The following ZNF503 variants were observed in gnomAD, a reference collection of about 807,000 sequenced individuals.
The protein encoded by ZNF503 is NocA-like zinc finger 2.
In ZNF503, 15 loss-of-function variants were observed where a neutral mutation model predicts 34.4. The observed-to-expected ratio is 0.44, with a 90% confidence interval of 0.29 to 0.67. ZNF503 has a LOEUF of 0.67. ZNF503 is among the 30% of genes least tolerant of loss of function. The pLI is 0.13. For missense variants in ZNF503, 1,007 were observed against 926.8 expected (o/e 1.09, Z -1.12); for synonymous variants, 580 against 456.8 (o/e 1.27, Z -3.44).
At chr10:75,382,678 A>G in the ZNF503 span, 1 of 346,498 alleles carries the variant, frequency 2.9e-6, no homozygotes, top group Non-Finnish European at 5.7e-6. Flanking sequence ...ATTCTGCTGG[A>G]TCAAAAGTGG....
chr10:75,337,532 C>T, the ZNF503 span, among the ~76,000 whole-genome samples: 5 of 145,202 alleles, frequency 3.4e-5, no homozygotes, highest in East Asian at 2.1e-4. Context: ...GCAGGAGAAT[C>T]GCTTGAACCC....
the ZNF503 span, among the ~76,000 whole-genome samples, chr10:75,309,202 A>C: frequency 6.6e-6 from 1 of 152,334 alleles, no homozygotes; most frequent in East Asian, 1.9e-4. Context: ...AACTACTCTC[A>C]GTGAAGATGC....
At chr10:75,313,253 T>C in the ZNF503 span, among the ~76,000 whole-genome samples, 2 of 152,328 alleles carry the variant, frequency 1.3e-5, no homozygotes, top group African/African-American at 4.8e-5. Flanking sequence ...AATACCTTTG[T>C]GGGAGTTCAG....
chr10:75,311,279 G>T, the ZNF503 span, among the ~76,000 whole-genome samples: 1 of 152,162 alleles, frequency 6.6e-6, no homozygotes, highest in Non-Finnish European at 1.5e-5. Flanking sequence ...CATGCTGGCA[G>T]CTGATTAGAT....
At chr10:75,295,301 G>A in the ZNF503 span, among the ~76,000 whole-genome samples, 1 of 151,838 alleles carries the variant, frequency 6.6e-6, no homozygotes, top group Non-Finnish European at 1.5e-5. The surrounding 1 kb of genome is among the most constrained non-coding windows in gnomAD (Gnocchi z 4.0). Flanking sequence ...CTGCAGTCCC[G>A]CCCTCCTCCT....
chr10:75,353,716 C>T, the ZNF503 span, among the ~76,000 whole-genome samples: 1 of 152,162 alleles, frequency 6.6e-6, no homozygotes, highest in Non-Finnish European at 1.5e-5. Flanking sequence ...TGAACCATTG[C>T]TAAGGTGACA....
the ZNF503 span, among the ~76,000 whole-genome samples, chr10:75,308,702 A>G: frequency 6.6e-6 from 1 of 152,244 alleles, no homozygotes; most frequent in East Asian, 1.9e-4. Flanking sequence ...GAGGTTGTCA[A>G]GACATCAGTG....
the ZNF503 span, among the ~76,000 whole-genome samples, chr10:75,366,467 G>A: frequency 3.9e-5 from 6 of 152,206 alleles, no homozygotes; most frequent in Admixed American, 6.5e-5. Flanking sequence ...CAAAAGGTAG[G>A]CGACCTGACT....
the ZNF503 span, among the ~76,000 whole-genome samples, chr10:75,289,706 C>T: frequency 3.9e-5 from 6 of 152,116 alleles, no homozygotes; most frequent in Non-Finnish European, 8.8e-5. Context: ...CTGTCTCAGC[C>T]TCCCAAGTAG....
rs910679698 is a variant in ZNF503 at position 75,401,627 on chromosome 10, G to C, written c.-208C>G. The C allele has an allele frequency of 1.6e-6, 1 of 618,580 alleles. No individual in the cohort carries two copies. Among genetic ancestry groups the C allele is most frequent in the Non-Finnish European group, 2.7e-6 (1 of 366,384 alleles). 38.3% of individuals were successfully genotyped at this position (618,580 alleles called of 1,614,324 possible). A position where few individuals can be genotyped will look rare whatever the true frequency, so the allele number is the denominator to read the frequency against. ...CCGCAGCGGAGCCGTGGCCGGGCTA[G>C]AGGAGCCGGCTGGACTGCGGGAGTG... is the stretch of plus-strand genomic sequence containing the variant. On this transcript the variant is annotated 5_prime_UTR_variant, in exon 1 of 2. Transcript: ENST00000372524.
At chr10:75,329,753 AG>A in the ZNF503 span, among the ~76,000 whole-genome samples, 1 of 152,194 alleles carries the variant, frequency 6.6e-6, no homozygotes, top group Non-Finnish European at 1.5e-5. Flanking sequence ...CTGGGATTAC[AG>A]GCATGAGCCA....
chr10:75,320,554 A>C, the ZNF503 span, among the ~76,000 whole-genome samples: 1 of 152,192 alleles, frequency 6.6e-6, no homozygotes, highest in African/African-American at 2.4e-5. Flanking sequence ...ATGGTGGCTT[A>C]TGCCTGTAAT....
chr10:75,305,066 T>C, the ZNF503 span, among the ~76,000 whole-genome samples: 10 of 152,140 alleles, frequency 6.6e-5, no homozygotes, highest in African/African-American at 2.4e-4. Flanking sequence ...ACTTTAAATA[T>C]TTAAAAATAT....
chr10:75,367,219 C>A, the ZNF503 span, among the ~76,000 whole-genome samples: 7 of 152,226 alleles, frequency 4.6e-5, no homozygotes, highest in East Asian at 5.8e-4. Flanking sequence ...CTCTCTACCC[C>A]CCACCCAGAA....
chr10:75,338,335 AGGCTTT>A, the ZNF503 span: 1 of 152,138 alleles, frequency 6.6e-6, no homozygotes, highest in Admixed American at 6.5e-5. Flanking sequence ...ATGGTACTTA[AGGCTTT>A]GGCTTTGGAA....
chr10:75,334,709 G>A, the ZNF503 span, among the ~76,000 whole-genome samples: 2 of 152,174 alleles, frequency 1.3e-5, no homozygotes, highest in Non-Finnish European at 2.9e-5. Context: ...GTGCAAAGCT[G>A]GAGATGCTTG....
chr10:75,372,762 C>A, the ZNF503 span, among the ~76,000 whole-genome samples: 1 of 152,200 alleles, frequency 6.6e-6, no homozygotes, highest in South Asian at 2.1e-4. Context: ...GGATTGTGTT[C>A]AGGTTTGGGA....
At chr10:75,348,457 C>T in the ZNF503 span, among the ~76,000 whole-genome samples, 1 of 151,576 alleles carries the variant, frequency 6.6e-6, no homozygotes, top group Non-Finnish European at 1.5e-5. Context: ...CTCGGTCTCC[C>T]AAAGTGTTAG....
the ZNF503 span, among the ~76,000 whole-genome samples, chr10:75,373,701 C>T: frequency 1.3e-5 from 2 of 152,188 alleles, no homozygotes; most frequent in Admixed American, 6.5e-5. Context: ...CTCCTCTGAC[C>T]CACAGGGTTC....
Sources: allele counts gnomAD v4.1 joint callset (sites outside exome capture counted in the v4.1 genomes callset), GRCh38; gene constraint gnomAD v4.1.1; non-coding constraint Gnocchi (gnomAD v3.1); transcripts MANE v1.5; gene names NCBI Gene and HGNC (gene_info 2026-07-23, HGNC 2026-07-21).